Variants in SLC6A11 observed in about 807,000 individuals in gnomAD.
The protein encoded by SLC6A11 is sodium- and chloride-dependent GABA transporter 3.
A neutral mutation model predicts 74.8 loss-of-function variants in SLC6A11; 25 were observed. That is an observed-to-expected ratio of 0.33 (90% CI 0.24 to 0.47). The LOEUF is 0.47. Ranked by LOEUF, SLC6A11 falls within the 20% of genes least tolerant of loss-of-function variation. The pLI is 1.00. For missense variants in SLC6A11, 574 were observed against 837.0 expected, an observed-to-expected ratio of 0.69 and a Z score of 3.88; for synonymous variants, 330 against 330.2, an observed-to-expected ratio of 1.00 and a Z score of 0.01.
chr3:10,882,491 G>A (rs1014768263), intron 6 of SLC6A11, among the ~76,000 whole-genome samples: 6 of 152,126 alleles, frequency 3.9e-5, no homozygotes, highest in Non-Finnish European at 7.4e-5. Flanking sequence ...TAGGATGTAC[G>A]CCCCATGCAG....
rs141859722 is a variant in SLC6A11 at position 10,833,210 on chromosome 3, C to T, written c.623+9818C>T. ...CCAAGTAGCTAGGATTACAGGTGCTCGCCACCACACCCAGCTAATTTTTGT... is the reference window on the plus strand; with the variant it reads ...CCAAGTAGCTAGGATTACAGGTGCTTGCCACCACACCCAGCTAATTTTTGT... On this transcript the variant is annotated intron_variant, in intron 4 of 13. Coordinates refer to ENST00000254488, the MANE Select transcript of SLC6A11 (RefSeq NM_014229.3). Among the ~76,000 whole-genome samples, 16 of 152,242 alleles carry T rather than the reference C, an allele frequency of 1.1e-4. No homozygotes were observed. In the East Asian group the frequency reaches 1.2e-3, roughly 11 times the overall value.
chr3:10,911,180 G>A (rs1027967505), intron 6 of SLC6A11, among the ~76,000 whole-genome samples: 2 of 152,202 alleles, frequency 1.3e-5, no homozygotes, highest in African/African-American at 4.8e-5. Flanking sequence ...CGTGCTGCCT[G>A]TACATTGAGA....
At chr3:10,890,335 C>T (rs1405857080) in intron 6 of SLC6A11, among the ~76,000 whole-genome samples, 1 of 152,182 alleles carries the variant, frequency 6.6e-6, no homozygotes, top group Non-Finnish European at 1.5e-5. Flanking sequence ...CAGCAGAGTT[C>T]TAAGAATGCC....
chr3:10,897,989 C>T (rs1383715175), intron 6 of SLC6A11, among the ~76,000 whole-genome samples: 2 of 152,254 alleles, frequency 1.3e-5, no homozygotes, highest in Middle Eastern at 3.2e-3. Context: ...CCAGGCTCAA[C>T]ACCACGTGGA....
chr3:10,905,233 T>C (rs1695287934), intron 6 of SLC6A11, among the ~76,000 whole-genome samples: 1 of 152,224 alleles, frequency 6.6e-6, no homozygotes, highest in Non-Finnish European at 1.5e-5. Flanking sequence ...CTTGAGTAAA[T>C]GGGAAGATGA....
intron 6 of SLC6A11, 121 bp downstream of exon 6, chr3:10,875,216 CTT>C (rs1694893753): frequency 1.3e-6 from 1 of 741,744 alleles, no homozygotes; most frequent in Non-Finnish European, 2.0e-6. Context: ...CCTGTGGACT[CTT>C]TCCCAGAATA....
intron 5 of SLC6A11, among the ~76,000 whole-genome samples, chr3:10,873,385 G>GCTATCC (rs1694850882): frequency 1.7e-5 from 2 of 118,766 alleles, no homozygotes; most frequent in African/African-American, 6.8e-5. Context: ...CTTCATTATT[G>GCTATCC]TATCCTATCC....
At chr3:10,865,278 G>A (rs944926033) in intron 5 of SLC6A11, among the ~76,000 whole-genome samples, 4 of 152,214 alleles carry the variant, frequency 2.6e-5, no homozygotes, top group Admixed American at 2.6e-4. Context: ...CTCATGGACC[G>A]CCAAGCCCAT....
intron 6 of SLC6A11, among the ~76,000 whole-genome samples, chr3:10,896,014 C>A (rs1435641171): frequency 6.6e-6 from 1 of 152,248 alleles, no homozygotes; most frequent in Non-Finnish European, 1.5e-5. Context: ...AGGTAAATGC[C>A]TGCAGAGAGA....
chr3:10,856,401 C>T (rs1332529152), intron 5 of SLC6A11, among the ~76,000 whole-genome samples: 1 of 152,250 alleles, frequency 6.6e-6, no homozygotes, highest in Non-Finnish European at 1.5e-5. Context: ...GTTTGCAGAG[C>T]ACCTGCCACA....
intron 4 of SLC6A11, among the ~76,000 whole-genome samples, chr3:10,835,040 G>A (rs1694348404): frequency 6.6e-6 from 1 of 152,180 alleles, no homozygotes; most frequent in African/African-American, 2.4e-5. Flanking sequence ...AACTCCTTGT[G>A]CAGGGCTGCT....
intron 4 of SLC6A11, among the ~76,000 whole-genome samples, chr3:10,834,460 C>T (rs1375663475): frequency 6.6e-6 from 1 of 151,606 alleles, no homozygotes; most frequent in Non-Finnish European, 1.5e-5. Flanking sequence ...CATCCAGCAA[C>T]AACAATGTAA....
intron 5 of SLC6A11, 91 bp from the exon 6 acceptor site, chr3:10,874,870 T>C: frequency 7.6e-7 from 1 of 1,321,922 alleles, no homozygotes; most frequent in East Asian, 2.5e-5. Context: ...AGGGTCCTGG[T>C]GCAACATGCA....
intron 4 of SLC6A11, among the ~76,000 whole-genome samples, chr3:10,827,621 G>A (rs745736594): frequency 2.6e-5 from 4 of 152,166 alleles, no homozygotes; most frequent in Non-Finnish European, 5.9e-5. Flanking sequence ...TAGGCTGTCT[G>A]CTATTATAGT....
At chr3:10,876,766 CAGAG>C (rs71055842) in intron 6 of SLC6A11, among the ~76,000 whole-genome samples, 11 of 91,292 alleles carry the variant, frequency 1.2e-4, no homozygotes, top group Admixed American at 3.4e-4. Flanking sequence ...ACCTCCCACA[CAGAG>C]AGAGAGAGAG....
In SLC6A11 at chr3:10,933,136, T is replaced by C; in HGVS notation, c.1372-15T>C. ...CGTTCACCTCCCATCCGTGTGTCTG[T>C]TCCCCGACCTGCAGGGTGGCATGTA... is the stretch of plus-strand genomic sequence containing the variant. On this transcript the variant is annotated splice_polypyrimidine_tract_variant and intron_variant, in intron 10 of 13. Transcript: ENST00000254488. 1 of 1,600,616 alleles carries C rather than the reference T, an allele frequency of 6.2e-7. No homozygotes were observed. The highest frequency in any genetic ancestry group is 8.6e-7 in the Non-Finnish European group (1 of 1,167,702).
Position 10,882,700 on chromosome 3 carries a change from G to C in SLC6A11, c.891+7605G>C, listed in dbSNP as rs558449570. 2.0e-5 allele frequency among the ~76,000 whole-genome samples: 3 copies of C among 152,290 alleles called. No homozygotes were observed. The East Asian group carries it at 5.8e-4, about 29-fold the overall frequency. ...TCTTTTGCGTTACGGTTGCAGTTGT[G>C]AGTGTGCTCTTCAGAAAGCGGTATT... is the stretch of plus-strand genomic sequence containing the variant. On this transcript the variant is annotated intron_variant, in intron 6 of 13. Transcript: ENST00000254488.
In SLC6A11 at chr3:10,940,255, G is replaced by C. The variant is rs1476612054; in HGVS notation, c.*1853G>C. 1 of 152,240 alleles carries C rather than the reference G, an allele frequency of 6.6e-6. No homozygotes were observed. Among genetic ancestry groups the C allele is most frequent in the Non-Finnish European group, 1.5e-5 (1 of 68,090 alleles). The allele number at this position is 152,240 out of a possible 1,614,324, so 9.4% of individuals were successfully genotyped here. A position where few individuals can be genotyped will look rare whatever the true frequency, so the allele number is the denominator to read the frequency against. ...GTTCTGCGGACCCAGGAAGGGCCAG[G>C]CTGGGGCCCTGCTTGTGTTTATCCT... On this transcript the variant is annotated 3_prime_UTR_variant, in exon 14 of 14. Coordinates refer to ENST00000254488, the MANE Select transcript of SLC6A11 (RefSeq NM_014229.3).
At chr3:10,933,919 C>A in intron 11 of SLC6A11, 147 bp from the exon 12 acceptor site, 1 of 583,226 alleles carries the variant, frequency 1.7e-6, no homozygotes. Flanking sequence ...CATGTAACAT[C>A]TCGGTCGTTG....
Sources: allele counts gnomAD v4.1 joint callset (sites outside exome capture counted in the v4.1 genomes callset), GRCh38; gene constraint gnomAD v4.1.1; transcripts MANE v1.5; gene names NCBI Gene and HGNC (gene_info 2026-07-23, HGNC 2026-07-21).